The following POLM variants were observed in gnomAD, a reference collection of about 807,000 sequenced individuals.
The protein encoded by POLM is DNA-directed DNA/RNA polymerase mu.
In POLM, 52 loss-of-function variants were observed where a neutral mutation model predicts 56.7. The ratio of observed to expected loss-of-function variants is 0.92; its 90% confidence interval spans 0.73 to 1.15. The LOEUF is 1.15. Ranked by LOEUF, POLM falls within the 50% of genes most tolerant of loss-of-function variation. The pLI is 0.00. For synonymous variants in POLM, 273 were observed against 274.3 expected (o/e 1.00, Z 0.05); for missense variants, 660 against 663.6 (o/e 0.99, Z 0.06).
chr7:44,079,767 G>C lies in POLM; in HGVS notation c.472-26C>G, dbSNP rs1274103263. The C allele has an allele frequency of 2.5e-6, 4 of 1,610,490 alleles. No individual in the cohort carries two copies. In the Admixed American group the frequency reaches 5.0e-5, roughly 20 times the overall value. On this transcript the variant is annotated intron_variant, in intron 3 of 10. Transcript: ENST00000242248. ...CTGCAGGGAGGGGCCCTAGGTAAGG[G>C]GCAGGGTGGGCAGCTCCAATCCCCC...
At chr7:44,079,544 C>CCAAA in intron 4 of POLM, 27 bp downstream of exon 4, 2 of 1,280,208 alleles carry the variant, frequency 1.6e-6, no homozygotes, top group Non-Finnish European at 2.2e-6. Flanking sequence ...CCCACCCACT[C>CCAAA]ACCCTGCTAG....
In POLM at chr7:44,079,901, TGGCAGGCATA is replaced by T. The variant is rs771320840; in HGVS notation, c.421_430del (p.Tyr141SerfsTer53). The T allele has an allele frequency of 1.4e-5, 22 of 1,613,998 alleles. No homozygotes were observed. The highest frequency in any genetic ancestry group is 1.6e-4 in the Middle Eastern group (1 of 6,076). On this transcript the variant is annotated frameshift_variant, in exon 3 of 11. Coordinates refer to ENST00000242248, the MANE Select transcript of POLM (RefSeq NM_013284.4). LOFTEE classifies it high-confidence loss of function. Reference sequence around the variant, plus strand: ...GTGGTGTGTGAGGGGCGTAGGGCGCTGGCAGGCATAGGCAGGCATCCATGCTGGGCTCAGA... The same window carrying T: ...GTGGTGTGTGAGGGGCGTAGGGCGCTGGCAGGCATCCATGCTGGGCTCAGA...
At chr7:44,080,946 A>G in intron 1 of POLM, 30 bp from the exon 2 acceptor site, 1 of 1,534,246 alleles carries the variant, frequency 6.5e-7, no homozygotes. Flanking sequence ...GAGAAGGAGG[A>G]GGGTGAGGCC....
At chr7:44,079,823 A>G in intron 3 of POLM, 38 bp downstream of exon 3, 4 of 1,610,788 alleles carry the variant, frequency 2.5e-6, no homozygotes, top group Non-Finnish European at 3.4e-6. Flanking sequence ...CTTGTCCCCA[A>G]CCCCCAGGGC....
intron 5 of POLM, 181 bp from the exon 6 acceptor site, chr7:44,076,810 C>G: frequency 1.4e-6 from 1 of 690,728 alleles, no homozygotes; most frequent in Admixed American, 2.9e-5. Flanking sequence ...ACCCAGCCTG[C>G]CGTCTCTGGG....
intron 4 of POLM, among the ~76,000 whole-genome samples, chr7:44,079,156 A>C (rs28382641): frequency 0.013 from 2,038 of 152,338 alleles, 19 homozygotes; most frequent in Non-Finnish European, 0.021. Context: ...ATGTGAACTC[A>C]ATACTACTTC....
chr7:44,074,181 C>T lies in POLM; in HGVS notation c.1021G>A (p.Gly341Ser). The T allele has an allele frequency of 1.2e-6, 2 of 1,601,838 alleles. No individual in the cohort carries two copies. The highest frequency in any genetic ancestry group is 4.5e-5 in the East Asian group (2 of 44,504). ...VDFLITHPKE[G>S]QEAGLLPRVM... ...CTAGGCAGCAGCCCCGCCTCCTGAC[C>T]CTCCTTGGGGTGGGTGATGAGGAAG... The change falls in exon 8 of 11, where the codon GGT becomes AGT. Residue 341 changes from glycine (G) to serine (S), a missense_variant. Gly to Ser is a moderately conservative substitution (Grantham distance 56, BLOSUM62 0). Coordinates refer to ENST00000242248, the MANE Select transcript of POLM (RefSeq NM_013284.4).
chr7:44,080,017 G>A, intron 2 of POLM, 58 bp from the exon 3 acceptor site: 1 of 1,258,236 alleles, frequency 7.9e-7, no homozygotes, highest in Non-Finnish European at 1.1e-6. Flanking sequence ...GGAGAGCCAG[G>A]CCGTACTCAG....
At chr7:44,078,885 A>C in intron 4 of POLM, 74 bp from the exon 5 acceptor site, 1 of 1,294,804 alleles carries the variant, frequency 7.7e-7, no homozygotes, top group South Asian at 1.3e-5. Flanking sequence ...AGTTAGGGTC[A>C]GGGCTGGGGG....
At chr7:44,080,669 C>A in intron 2 of POLM, 64 bp downstream of exon 2, 2 of 1,505,560 alleles carry the variant, frequency 1.3e-6, no homozygotes, top group Non-Finnish European at 1.8e-6. Context: ...CCTGTCCCAG[C>A]TGAGCAATGG....
chr7:44,077,985 AAC>A, intron 5 of POLM, among the ~76,000 whole-genome samples: 1 of 152,358 alleles, frequency 6.6e-6, no homozygotes, highest in East Asian at 1.9e-4. Flanking sequence ...AGTGAGCAGA[AAC>A]AGAGGGAAGG....
In POLM at chr7:44,079,892, G is replaced by A. The variant is rs760477286; in HGVS notation, c.440C>T (p.Thr147Met). The A allele has an allele frequency of 1.1e-5, 17 of 1,614,116 alleles. 1 individual carries two copies. Among genetic ancestry groups the A allele is most frequent in the Admixed American group, 8.3e-5 (5 of 60,032 alleles). The change falls in exon 3 of 11, where the codon ACG (threonine) becomes ATG (methionine). Residue 147 changes from threonine (T) to methionine (M), a missense_variant. By Grantham distance (81) the Thr-to-Met change is moderately conservative. Transcript: ENST00000242248. ...GCCAGTGTTGTGGTGTGTGAGGGGC[G>A]TAGGGCGCTGGCAGGCATAGGCAGG... The part of the protein sequence containing the change: ...WMPAYACQRP[T>M]PLTHHNTGLS...
rs753702821 is a variant in POLM at position 44,074,545 on chromosome 7, G to A, written c.836-15C>T. On this transcript the variant is annotated splice_polypyrimidine_tract_variant and intron_variant, in intron 6 of 10. Coordinates refer to ENST00000242248, the MANE Select transcript of POLM (RefSeq NM_013284.4). ...GTGCTGGAGCCCTGGGGGCAACACC[G>A]GCCCTCCTGACTCACCCAGCCTGCC... 11 of 1,540,688 alleles carry A rather than the reference G, an allele frequency of 7.1e-6. No homozygotes were observed. Among genetic ancestry groups the A allele is most frequent in the Admixed American group, 1.9e-5 (1 of 52,530 alleles).
Position 44,073,006 on chromosome 7 carries a change from AC to A in POLM, c.*284del. 8.9e-7 allele frequency: 1 copy of A among 1,129,230 alleles called. No individual in the cohort carries two copies. The highest frequency in any genetic ancestry group is 2.6e-5 in the East Asian group (1 of 38,474). 70.0% of individuals were successfully genotyped at this position (1,129,230 alleles called of 1,614,324 possible). ...CAGCTCCACGATGTGGGCCCCACTC[AC>A]ATCCCATCCAGGGCAGGAACGTGAG... On this transcript the variant is annotated 3_prime_UTR_variant, in exon 11 of 11. Coordinates refer to ENST00000242248, the MANE Select transcript of POLM (RefSeq NM_013284.4).
In POLM at chr7:44,079,708, A is replaced by G; in HGVS notation, c.505T>C (p.Phe169Leu). Residue 169 changes from phenylalanine to leucine, a missense_variant, in exon 4 of 11, where the codon TTT becomes CTT. Transcript: ENST00000242248. ...ALEILAEAAG[F>L]EGSEGRLLTF... ...AGGAGGCGGCCCTCACTGCCTTCAAAGCCTGCTGCCTCGGCCAGTATCTCC... is the reference window on the plus strand; with the variant it reads ...AGGAGGCGGCCCTCACTGCCTTCAAGGCCTGCTGCCTCGGCCAGTATCTCC... 6.2e-7 allele frequency: 1 copy of G among 1,611,908 alleles called. No individual in the cohort carries two copies. The highest frequency in any genetic ancestry group is 8.5e-7 in the Non-Finnish European group (1 of 1,178,872).
chr7:44,079,749 G>C lies in POLM; in HGVS notation c.472-8C>G. ...CAGTATCTCCAGAGCCTCCTGCAGG[G>C]AGGGGCCCTAGGTAAGGGGCAGGGT... is the stretch of plus-strand genomic sequence containing the variant. On this transcript the variant is annotated splice_polypyrimidine_tract_variant and splice_region_variant and intron_variant, in intron 3 of 10. Coordinates refer to ENST00000242248, the MANE Select transcript of POLM (RefSeq NM_013284.4). 6.2e-7 allele frequency: 1 copy of C among 1,609,404 alleles called. No homozygotes were observed. The highest frequency in any genetic ancestry group is 2.2e-5 in the East Asian group (1 of 44,802).
chr7:44,073,609 G>A lies in POLM; in HGVS notation c.1398+16C>T, dbSNP rs756261211. On this transcript the variant is annotated intron_variant, in intron 10 of 10. Transcript: ENST00000242248. ...CTATGGGTGCTGTTTGCTGTCCCCA[G>A]TCCCCAACAATGTACCTGCTCCGGG... The A allele has an allele frequency of 1.2e-6, 2 of 1,613,260 alleles. No individual in the cohort carries two copies. The highest frequency in any genetic ancestry group is 2.2e-5 in the East Asian group (1 of 44,876).
At chr7:44,080,241 C>T in intron 2 of POLM, 2 of 541,926 alleles carry the variant, frequency 3.7e-6, no homozygotes, top group South Asian at 3.6e-5. Context: ...CTCCATCACC[C>T]CAATCCTCAC....
rs1271733841 is a variant in POLM, at chr7:44,073,661, C to T, written c.1362G>A (p.Leu454=). 3 of 1,614,094 alleles carry T rather than the reference C, an allele frequency of 1.9e-6. No individual in the cohort carries two copies. The highest frequency in any genetic ancestry group is 1.1e-5 in the South Asian group (1 of 91,096). Residue 454 remains leucine, a synonymous_variant, in exon 10 of 11, where the codon CTG becomes CTA. Transcript: ENST00000242248. ...LRRFSRKEKG[L]WLNSHGLFDP... ...CAAACAGCCCATGGCTGTTCAGCCACAGGCCCTTCTCCTTCCGGCTGAAGC... is the reference window on the plus strand; with the variant it reads ...CAAACAGCCCATGGCTGTTCAGCCATAGGCCCTTCTCCTTCCGGCTGAAGC...
Sources: allele counts gnomAD v4.1 joint callset (sites outside exome capture counted in the v4.1 genomes callset), GRCh38; gene constraint gnomAD v4.1.1; transcripts MANE v1.5; gene names NCBI Gene and HGNC (gene_info 2026-07-23, HGNC 2026-07-21).